Variants in FN1 observed in about 807,000 individuals in gnomAD.
The protein encoded by FN1 is fibronectin 1.
A neutral mutation model predicts 297.3 loss-of-function variants in FN1; 106 were observed. That is an observed-to-expected ratio of 0.36 (90% CI 0.30 to 0.42). FN1 has a LOEUF of 0.42. FN1 is among the 10% of genes least tolerant of loss of function. FN1 has a pLI of 1.00. For synonymous variants in FN1, 1,149 were observed against 1,152.6 expected, an observed-to-expected ratio of 1.00 and a Z score of 0.06; for missense variants, 2,690 against 3,124.9, an observed-to-expected ratio of 0.86 and a Z score of 3.32.
chr2:215,411,456 G>A (rs1163119242), intron 13 of FN1, among the ~76,000 whole-genome samples: 1 of 152,176 alleles, frequency 6.6e-6, no homozygotes, highest in Non-Finnish European at 1.5e-5. Flanking sequence ...CAAATACACT[G>A]TGGAAAATTT....
At chr2:215,373,921 A>T (rs2056770615) in intron 38 of FN1, among the ~76,000 whole-genome samples, 1 of 152,050 alleles carries the variant, frequency 6.6e-6, no homozygotes, top group Non-Finnish European at 1.5e-5. Flanking sequence ...TGACCTTGTG[A>T]TCTGCCTGCC....
Position 215,394,647 on chromosome 2 carries a change from T to C in FN1, c.3677A>G (p.His1226Arg). 1 of 1,614,162 alleles carries C rather than the reference T, an allele frequency of 6.2e-7. No individual in the cohort carries two copies. The highest frequency in any genetic ancestry group is 8.5e-7 in the Non-Finnish European group (1 of 1,179,980). The change falls in exon 24 of 46, where the codon CAT becomes CGT. Residue 1226 changes from histidine to arginine, a missense_variant. Physicochemically the swap from His to Arg is conservative, Grantham distance 29 (BLOSUM62 0). Coordinates refer to ENST00000354785, the MANE Select transcript of FN1 (RefSeq NM_212482.4). ...AAAAGTGCAGGAGCTCTGATCAGCA[T>C]GGACCACTTCTTCCAAAGAATTTCC... Reference protein sequence around the residue: ...QQGNSLEEVVHADQSSCTFDN... With the variant: ...QQGNSLEEVVRADQSSCTFDN...
At chr2:215,401,259 A>AAGG (rs1559476241) in intron 20 of FN1, among the ~76,000 whole-genome samples, 855 of 81,734 alleles carry the variant, frequency 0.01, 9 homozygotes, top group South Asian at 0.019. Flanking sequence ...AGGAAGAAAG[A>AAGG]AAGGAAGGAA....
chr2:215,422,253 A>C lies in FN1; in HGVS notation c.1394-10T>G. ...CAGATTTCCTCGTGGGCTGTTTGGAAATGGATAAGAAATGCACTTGATAAA... is the reference window on the plus strand; with the variant it reads ...CAGATTTCCTCGTGGGCTGTTTGGACATGGATAAGAAATGCACTTGATAAA... On this transcript the variant is annotated splice_polypyrimidine_tract_variant and intron_variant, in intron 9 of 45. Coordinates refer to ENST00000354785, the MANE Select transcript of FN1 (RefSeq NM_212482.4). 6.2e-7 allele frequency: 1 copy of C among 1,613,586 alleles called. No homozygotes were observed. Among genetic ancestry groups the C allele is most frequent in the Non-Finnish European group, 8.5e-7 (1 of 1,179,514 alleles).
chr2:215,424,510 T>A lies in FN1; in HGVS notation c.1037-185A>T, dbSNP rs188571159. On this transcript the variant is annotated intron_variant, in intron 7 of 45. Transcript: ENST00000354785. ...CTCAGGAATCCATGTCTACTGTGGA[T>A]AGAACGACACCTGAGTTCTTCTGCT... Among the ~76,000 whole-genome samples, 493 of 151,224 alleles carry A rather than the reference T, an allele frequency of 3.3e-3. No individual in the cohort carries two copies. Among genetic ancestry groups the A allele is most frequent in the Non-Finnish European group, 6.1e-3 (415 of 67,758 alleles).
chr2:215,412,390 A>G (rs1004098934), intron 13 of FN1, among the ~76,000 whole-genome samples: 2 of 152,174 alleles, frequency 1.3e-5, no homozygotes, highest in South Asian at 2.1e-4. Context: ...TTTGTCAACA[A>G]TAAGTCATAT....
chr2:215,379,251 G>A lies in FN1; in HGVS notation c.5501C>T (p.Thr1834Ile). ...TCCAGTGAGCTGAACATTGGGTGGT[G>A]TCCACTGGGCGCTCAGGCTTGTGGG... ...VTPTSLSAQW[T>I]PPNVQLTGYR... is the part of the protein sequence containing the mutation. Residue 1834 changes from threonine to isoleucine, a missense_variant, in exon 34 of 46, where the codon ACA becomes ATA. This residue lies in a region of FN1 where 1,743 missense variants were observed against 1,945.2 expected (regional missense o/e 0.90). Coordinates refer to ENST00000354785, the MANE Select transcript of FN1 (RefSeq NM_212482.4). 6 of 1,614,086 alleles carry A rather than the reference G, an allele frequency of 3.7e-6. No individual in the cohort carries two copies. The highest frequency in any genetic ancestry group is 5.1e-6 in the Non-Finnish European group (6 of 1,179,994).
Position 215,409,831 on chromosome 2 carries a change from C to A in FN1, c.2123-92G>T. ...AACATCATTTTAAAAAACGTTGGTG[C>A]CCCTCCTGGAAGAATATGAATTGAG... is the stretch of plus-strand genomic sequence containing the variant. On this transcript the variant is annotated intron_variant, in intron 14 of 45. Coordinates refer to ENST00000354785, the MANE Select transcript of FN1 (RefSeq NM_212482.4). 1.9e-6 allele frequency: 3 copies of A among 1,586,834 alleles called. No homozygotes were observed. In the South Asian group the frequency reaches 3.3e-5, roughly 18 times the overall value.
rs770884120 is a variant in FN1, at chr2:215,375,379, A to G, written c.5992T>C (p.Ser1998Pro). The G allele has an allele frequency of 1.9e-6, 3 of 1,611,694 alleles. No individual in the cohort carries two copies. Among genetic ancestry groups the G allele is most frequent in the East Asian group, 4.5e-5 (2 of 44,292 alleles). Residue 1998 changes from serine (S) to proline (P), a missense_variant, in exon 38 of 46, where the codon TCC becomes CCC. Transcript: ENST00000354785. ...IDASTAIDAP[S>P]NLRFLATTPN... ...GTGGTGGCCAGGAAACGCAGGTTGG[A>G]TGGTGCATCAATGGCTGAAAGAAAA...
intron 40 of FN1, among the ~76,000 whole-genome samples, chr2:215,370,843 C>T (rs948895930): frequency 6.6e-6 from 1 of 152,148 alleles, no homozygotes; most frequent in African/African-American, 2.4e-5. Flanking sequence ...GACATCTGAC[C>T]CCAGTGTGGA....
chr2:215,395,981 A>C (rs2060265852), intron 23 of FN1, among the ~76,000 whole-genome samples: 1 of 152,252 alleles, frequency 6.6e-6, no homozygotes, highest in South Asian at 2.1e-4. Flanking sequence ...GTTTCCGCAG[A>C]TAATGAAAAC....
chr2:215,367,770 T>G, intron 42 of FN1, 93 bp downstream of exon 42: 6 of 1,233,518 alleles, frequency 4.9e-6, no homozygotes, highest in Non-Finnish European at 7.1e-6. Context: ...TGGAAGAACC[T>G]GTGTCTTCCA....
At chr2:215,389,101 T>A (rs533883194) in intron 26 of FN1, among the ~76,000 whole-genome samples, 16 of 152,168 alleles carry the variant, frequency 1.1e-4, no homozygotes, top group East Asian at 5.8e-4. Flanking sequence ...CATTTTTTTT[T>A]ATTTTTATTA....
intron 1 of FN1, among the ~76,000 whole-genome samples, chr2:215,435,256 C>G (rs971552331): frequency 6.6e-6 from 1 of 152,084 alleles, no homozygotes; most frequent in Non-Finnish European, 1.5e-5. Flanking sequence ...CCCCTTTCCA[C>G]CCCCATGTTG....
At chr2:215,424,346 G>A (rs116502500) in intron 7 of FN1, 21 bp from the exon 8 acceptor site, 1 of 1,606,898 alleles carries the variant, frequency 6.2e-7, no homozygotes, top group African/African-American at 1.3e-5. Context: ...AATCAAAAGA[G>A]TGTCAGTAAA....
intron 23 of FN1, among the ~76,000 whole-genome samples, chr2:215,396,357 AT>A (rs1379774520): frequency 6.6e-6 from 1 of 152,180 alleles, no homozygotes; most frequent in African/African-American, 2.4e-5. Context: ...TGTTATTGCT[AT>A]AGTACGTCAT....
At chr2:215,408,219 GCAAA>G in intron 16 of FN1, 22 bp from the exon 17 acceptor site, 1 of 1,611,580 alleles carries the variant, frequency 6.2e-7, no homozygotes, top group Non-Finnish European at 8.5e-7. Context: ...AGAAAGTGGG[GCAAA>G]CAGTCAGGAA....
chr2:215,375,483 TAAAAG>T, intron 37 of FN1, 90 bp from the exon 38 acceptor site: 1 of 1,338,756 alleles, frequency 7.5e-7, no homozygotes, highest in Non-Finnish European at 1.1e-6. Flanking sequence ...TAAACACACT[TAAAAG>T]AATCTGAGAA....
In FN1 at chr2:215,361,988, T is replaced by C; in HGVS notation, c.7343A>G (p.Tyr2448Cys). The C allele has an allele frequency of 6.2e-7, 1 of 1,613,182 alleles. No individual in the cohort carries two copies. Among genetic ancestry groups the C allele is most frequent in the Non-Finnish European group, 8.5e-7 (1 of 1,179,168 alleles). ...ACTTACAGTGTTTGTTCTCTGATGG[T>C]ATCTCTGAGAATACTGGTTGTAGGA... ...GQSYNQYSQR[Y>C]HQRTNTNVNC... The change falls in exon 45 of 46, where the codon TAC (tyrosine) becomes TGC (cysteine). Residue 2448 changes from tyrosine (Y) to cysteine (C), a missense_variant. Coordinates refer to ENST00000354785, the MANE Select transcript of FN1 (RefSeq NM_212482.4).
Sources: gnomAD v4.1 joint callset for allele counts (sites outside exome capture counted in the v4.1 genomes callset) on GRCh38, gnomAD v4.1.1 for gene constraint, gnomAD v4.1.1 regional missense constraint, MANE v1.5 for transcripts, NCBI Gene and HGNC (gene_info 2026-07-23, HGNC 2026-07-21) for gene names.